The following STK39 variants were observed in gnomAD, a reference collection of about 807,000 sequenced individuals.
STK39 encodes the protein serine/threonine kinase 39.
In STK39, 20 loss-of-function variants were observed where a neutral mutation model predicts 77.8. The ratio of observed to expected loss-of-function variants is 0.26; its 90% CI spans 0.18 to 0.37. The LOEUF (loss-of-function observed/expected upper bound fraction) is 0.37. Ranked by LOEUF, STK39 falls within the 10% of genes least tolerant of loss-of-function variation. The probability of loss-of-function intolerance (pLI) is 1.00; values close to 1 mark genes in which losing one functional copy is unlikely to be tolerated. For missense variants in STK39, 479 were observed against 656.5 expected (o/e 0.73, Z 2.95); for synonymous variants, 246 against 234.1 (o/e 1.05, Z -0.47).
chr2:167,970,580 TG>T (rs1170410408), intron 16 of STK39, among the ~76,000 whole-genome samples: 2 of 152,244 alleles, frequency 1.3e-5, no homozygotes, highest in Admixed American at 1.3e-4. Context: ...TACAAACGTT[TG>T]TCTCCTAAGC....
chr2:167,978,245 T>C (rs753725597), intron 16 of STK39, among the ~76,000 whole-genome samples: 1 of 152,170 alleles, frequency 6.6e-6, no homozygotes, highest in African/African-American at 2.4e-5. Context: ...AATATGTTAA[T>C]CCTACAAAGG....
chr2:168,005,416 G>GAAAAAA, intron 16 of STK39, among the ~76,000 whole-genome samples: 1 of 144,658 alleles, frequency 6.9e-6, no homozygotes, highest in Non-Finnish European at 1.5e-5. Context: ...ACGCAGAGAG[G>GAAAAAA]AAAAAAAAAA....
At chr2:168,070,401 T>TAA (rs1018697180) in intron 12 of STK39, among the ~76,000 whole-genome samples, 1 of 151,998 alleles carries the variant, frequency 6.6e-6, no homozygotes, top group Non-Finnish European at 1.5e-5. Context: ...CTACTTGTTA[T>TAA]AAATTATTAA....
chr2:168,136,588 G>C (rs77726582), intron 8 of STK39, among the ~76,000 whole-genome samples: 1 of 152,058 alleles, frequency 6.6e-6, no homozygotes, highest in South Asian at 2.1e-4. Context: ...AATTACTGTC[G>C]TTCAAGAATC....
At chr2:168,160,535 T>A (rs974639489) in intron 5 of STK39, among the ~76,000 whole-genome samples, 19 of 152,198 alleles carry the variant, frequency 1.2e-4, no homozygotes, top group Admixed American at 1.0e-3. Flanking sequence ...GCTTGCCTAT[T>A]ATGTGTTGGC....
chr2:168,108,083 T>A (rs986871838), intron 10 of STK39, among the ~76,000 whole-genome samples: 1 of 152,240 alleles, frequency 6.6e-6, no homozygotes, highest in Non-Finnish European at 1.5e-5. Flanking sequence ...AATTGTATAC[T>A]GGAACAACAA....
intron 2 of STK39, among the ~76,000 whole-genome samples, chr2:168,171,987 G>A (rs541587099): frequency 6.6e-6 from 1 of 152,156 alleles, no homozygotes; most frequent in African/African-American, 2.4e-5. Context: ...GTCACAGCTG[G>A]CTTGGAAGCT....
chr2:168,099,056 C>T (rs1167851273), intron 10 of STK39, among the ~76,000 whole-genome samples: 1 of 152,154 alleles, frequency 6.6e-6, no homozygotes, highest in Admixed American at 6.5e-5. Flanking sequence ...AGTTGAGGTC[C>T]CAGCAAATGG....
chr2:168,136,096 C>T lies in STK39; in HGVS notation c.974+1992G>A, dbSNP rs148622246. On this transcript the variant is annotated intron_variant, in intron 8 of 17. Coordinates refer to ENST00000355999, the MANE Select transcript of STK39 (RefSeq NM_013233.3). ...TTAAGAAATAAAAATGGACCGGGTG[C>T]GGTAGCTCATGCCTGTAATCCCAGC... Among the ~76,000 whole-genome samples, 159 of 151,008 alleles carry T rather than the reference C, an allele frequency of 1.1e-3. 1 individual carries two copies. Among genetic ancestry groups the T allele is most frequent in the East Asian group, 5.0e-3 (26 of 5,154 alleles).
At chr2:168,065,567 G>GC (rs1174065407) in intron 12 of STK39, among the ~76,000 whole-genome samples, 186 bp from the exon 13 acceptor site, 1 of 152,122 alleles carries the variant, frequency 6.6e-6, no homozygotes, top group African/African-American at 2.4e-5. Context: ...AGACCCCTAG[G>GC]CCCCTCCTGG....
chr2:168,141,368 T>C (rs146846094), intron 5 of STK39, among the ~76,000 whole-genome samples: 186 of 152,288 alleles, frequency 1.2e-3, no homozygotes, highest in African/African-American at 4.1e-3. Context: ...AAATCTGAAA[T>C]GTACCCGTGA....
At chr2:167,989,916 T>C (rs1352587226) in intron 16 of STK39, among the ~76,000 whole-genome samples, 1 of 152,094 alleles carries the variant, frequency 6.6e-6, no homozygotes, top group Non-Finnish European at 1.5e-5. Context: ...AAAGTGAACA[T>C]ATTTTTAAAC....
At position 168,230,132 on chromosome 2, in the gene STK39, T is replaced by C. The variant is rs1690416297; in HGVS notation, c.208+17096A>G. The stretch of plus-strand genomic sequence containing the variant: ...TAAATTGAGCTGCTGTGGCAAGGAA[T>C]TTGCAAAATGGCAATAAGAATTCCT... On this transcript the variant is annotated intron_variant, in intron 1 of 17. Coordinates refer to ENST00000355999, the MANE Select transcript of STK39 (RefSeq NM_013233.3). 2.0e-5 allele frequency among the ~76,000 whole-genome samples: 3 copies of C among 152,226 alleles called. No individual in the cohort carries two copies. The South Asian group carries it at 6.2e-4, about 32-fold the overall frequency.
At chr2:168,182,717 G>A (rs995023788) in intron 1 of STK39, among the ~76,000 whole-genome samples, 1 of 152,194 alleles carries the variant, frequency 6.6e-6, no homozygotes, top group African/African-American at 2.4e-5. Flanking sequence ...AAGAGACAGA[G>A]TCATGTCATT....
chr2:168,005,449 A>G (rs538578318), intron 16 of STK39, among the ~76,000 whole-genome samples: 1 of 152,140 alleles, frequency 6.6e-6, no homozygotes, highest in East Asian at 1.9e-4. Context: ...GTGAATTACT[A>G]TTTCTTTTTT....
chr2:167,981,892 G>A (rs1416877821), intron 16 of STK39, among the ~76,000 whole-genome samples: 1 of 152,152 alleles, frequency 6.6e-6, no homozygotes, highest in African/African-American at 2.4e-5. Flanking sequence ...AGACAACCTA[G>A]AGAGATCTTG....
At chr2:168,018,501 G>T (rs546335683) in intron 14 of STK39, among the ~76,000 whole-genome samples, 15 of 108,130 alleles carry the variant, frequency 1.4e-4, no homozygotes, top group Non-Finnish European at 2.5e-4. Context: ...TCATTTTTAA[G>T]AAAAGAAAGA....
At chr2:168,093,377 C>T (rs980324281) in intron 10 of STK39, among the ~76,000 whole-genome samples, 1 of 152,164 alleles carries the variant, frequency 6.6e-6, no homozygotes, top group African/African-American at 2.4e-5. Context: ...GTGGGAGGAG[C>T]TAAAGCAACA....
chr2:168,136,241 C>T (rs926850279), intron 8 of STK39, among the ~76,000 whole-genome samples: 5 of 151,652 alleles, frequency 3.3e-5, no homozygotes, highest in Non-Finnish European at 5.9e-5. Context: ...TGGTGACACA[C>T]GCCTGTAGTC....
Sources: gnomAD v4.1 joint callset for allele counts (sites outside exome capture counted in the v4.1 genomes callset) on GRCh38, gnomAD v4.1.1 for gene constraint, MANE v1.5 for transcripts, NCBI Gene and HGNC (gene_info 2026-07-23, HGNC 2026-07-21) for gene names.